SIN3B: variants seen among roughly 807,000 people sequenced by gnomAD.
SIN3B encodes the protein paired amphipathic helix protein Sin3b.
Under a neutral mutation model 120.2 loss-of-function variants are expected in SIN3B, and 19 were observed. That is an observed-to-expected ratio of 0.16 (90% CI 0.11 to 0.23). SIN3B has a LOEUF of 0.23. Among genes scored for constraint, SIN3B ranks in the 10% least tolerant of loss-of-function variants. The pLI, the probability that SIN3B is intolerant of heterozygous loss-of-function variation, is 1.00. For missense variants in SIN3B, 1,073 were observed against 1,573.0 expected (o/e 0.68, Z 5.38); for synonymous variants, 654 against 653.2 (o/e 1.00, Z -0.02).
intron 5 of SIN3B, among the ~76,000 whole-genome samples, chr19:16,850,222 T>C (rs1415250200): frequency 3.9e-5 from 6 of 152,112 alleles, no homozygotes; most frequent in African/African-American, 1.4e-4. Context: ...GTAAAAATAG[T>C]ATACACTAAT....
At chr19:16,853,234 C>T in intron 7 of SIN3B, 76 bp downstream of exon 7, 5 of 1,396,870 alleles carry the variant, frequency 3.6e-6, no homozygotes, top group Non-Finnish European at 5.1e-6. Flanking sequence ...GGGCCTGCCC[C>T]AGGATTGGGG....
At chr19:16,831,251 C>T (rs547545261) in intron 2 of SIN3B, among the ~76,000 whole-genome samples, 3 of 152,026 alleles carry the variant, frequency 2.0e-5, no homozygotes, top group Admixed American at 1.3e-4. Flanking sequence ...TTAGTACAGA[C>T]AGGGTTTCAC....
In SIN3B at chr19:16,872,245, C is replaced by T. The variant is rs568896606; in HGVS notation, c.2592+847C>T. Among the ~76,000 whole-genome samples, 4 of 152,030 alleles carry T rather than the reference C, an allele frequency of 2.6e-5. No homozygotes were observed. The East Asian group carries it at 5.8e-4, about 22-fold the overall frequency. ...TTACTCTCCCACCCAGACACAGCCA[C>T]GAGAAGCATTTCAGACAGGACGTTT... On this transcript the variant is annotated intron_variant, in intron 14 of 18. Coordinates refer to ENST00000248054, the MANE Select transcript of SIN3B (RefSeq NM_001297595.2).
Position 16,878,861 on chromosome 19 carries a change from A to C in SIN3B, c.*134A>C. 1.2e-6 allele frequency: 1 copy of C among 824,444 alleles called. No homozygotes were observed. The highest frequency in any genetic ancestry group is 1.8e-5 in the South Asian group (1 of 56,006). The allele number at this position is 824,444 out of a possible 1,614,324, so 51.1% of individuals were successfully genotyped here. A position where few individuals can be genotyped will look rare whatever the true frequency, so the allele number is the denominator to read the frequency against. On this transcript the variant is annotated 3_prime_UTR_variant, in exon 19 of 19. Transcript: ENST00000248054. Reference sequence around the variant, plus strand: ...CCTCTGCTGCCGGACAGCGCACTCCAGGGCAGGACGCCGCCCCCGTGGCTC... The same window carrying C: ...CCTCTGCTGCCGGACAGCGCACTCCCGGGCAGGACGCCGCCCCCGTGGCTC...
chr19:16,864,877 C>A (rs1159056169), intron 10 of SIN3B, among the ~76,000 whole-genome samples: 1 of 151,350 alleles, frequency 6.6e-6, no homozygotes, highest in African/African-American at 2.4e-5. Flanking sequence ...CTCTGTCGCC[C>A]AGGCTGGAGT....
chr19:16,833,319 T>C (rs1971302950), intron 3 of SIN3B, among the ~76,000 whole-genome samples: 1 of 152,136 alleles, frequency 6.6e-6, no homozygotes, highest in African/African-American at 2.4e-5. Context: ...ATTAATTCCA[T>C]GTGCAAGGTG....
At chr19:16,871,649 G>C (rs879608977) in intron 14 of SIN3B, 6 of 448,532 alleles carry the variant, frequency 1.3e-5, no homozygotes, top group Non-Finnish European at 2.4e-5. Flanking sequence ...TTTCCAAAAG[G>C]AGACCCCATC....
intron 14 of SIN3B, among the ~76,000 whole-genome samples, chr19:16,874,101 C>T (rs1373990622): frequency 6.6e-6 from 1 of 152,234 alleles, no homozygotes; most frequent in African/African-American, 2.4e-5. Flanking sequence ...GTTTCCATTC[C>T]TTCCTTCTTC....
At chr19:16,837,886 A>G (rs927244499) in intron 3 of SIN3B, among the ~76,000 whole-genome samples, 8 of 152,014 alleles carry the variant, frequency 5.3e-5, no homozygotes, top group Admixed American at 1.3e-4. Context: ...GGGGGCTGCT[A>G]TGTGTCTGTG....
chr19:16,851,508 C>T lies in SIN3B; in HGVS notation c.823C>T (p.Leu275Phe), dbSNP rs1347385300. 1 of 1,606,346 alleles carries T rather than the reference C, an allele frequency of 6.2e-7. No individual in the cohort carries two copies. The highest frequency in any genetic ancestry group is 8.5e-7 in the Non-Finnish European group (1 of 1,176,642). ...CAGGAAGCGCTCCCGGCCCTCGCTC[C>T]TCCGCCCCGTGTCTGCACCCGCCAA... is the stretch of plus-strand genomic sequence containing the variant. Reference protein sequence around the residue: ...HSRKRSRPSLLRPVSAPAKKK... With the variant: ...HSRKRSRPSLFRPVSAPAKKK... Residue 275 changes from leucine (L) to phenylalanine (F), a missense_variant, in exon 6 of 19, where the codon CTC becomes TTC. Physicochemically the swap from Leu to Phe is conservative, Grantham distance 22 (BLOSUM62 0). Transcript: ENST00000248054.
rs1310928462 is a variant in SIN3B at position 16,862,633 on chromosome 19, C to T, written c.1266+74C>T. Reference sequence around the variant, plus strand: ...CCCCTCCCCAGCAAACACCCGATACCCCCGTTATGAATGAAATGCTGTGTG... The same window carrying T: ...CCCCTCCCCAGCAAACACCCGATACTCCCGTTATGAATGAAATGCTGTGTG... On this transcript the variant is annotated intron_variant, in intron 9 of 18. Coordinates refer to ENST00000248054, the MANE Select transcript of SIN3B (RefSeq NM_001297595.2). The surrounding 1 kb of genome is among the most constrained non-coding windows in gnomAD (Gnocchi z 4.7). The T allele has an allele frequency of 2.2e-6, 3 of 1,359,676 alleles. No homozygotes were observed. The highest frequency in any genetic ancestry group is 3.1e-6 in the Non-Finnish European group (3 of 967,572). 84.2% of individuals were successfully genotyped at this position (1,359,676 alleles called of 1,614,324 possible). A position where few individuals can be genotyped will look rare whatever the true frequency, so the allele number is the denominator to read the frequency against.
intron 3 of SIN3B, among the ~76,000 whole-genome samples, chr19:16,834,926 T>C (rs1373792404): frequency 6.6e-5 from 10 of 151,042 alleles, no homozygotes; most frequent in Non-Finnish European, 1.3e-4. Flanking sequence ...TTCTTTCTTT[T>C]TTTTTTTTTT....
intron 12 of SIN3B, among the ~76,000 whole-genome samples, chr19:16,867,400 G>T (rs1379124068): frequency 6.6e-6 from 1 of 152,242 alleles, no homozygotes; most frequent in Non-Finnish European, 1.5e-5. Context: ...AGGCCAGCGG[G>T]GCCCTCAGGT....
At chr19:16,845,408 G>A (rs1971466582) in intron 4 of SIN3B, among the ~76,000 whole-genome samples, 1 of 152,174 alleles carries the variant, frequency 6.6e-6, no homozygotes, top group Admixed American at 6.5e-5. Context: ...GAGTAGCTGG[G>A]ACTACAGGCA....
rs79625040 is a variant in SIN3B at position 16,878,720 on chromosome 19, C to T, written c.3386C>T (p.Ser1129Leu). ...YRVQYSRRPA[S>L]P ...GTGCAGTACAGCCGCCGCCCGGCCT[C>T]GCCCTGACCCGCCCTCATGGGCACC... The change falls in exon 19 of 19, where the codon TCG becomes TTG. Residue 1129 changes from serine to leucine, a missense_variant. Coordinates refer to ENST00000248054, the MANE Select transcript of SIN3B (RefSeq NM_001297595.2). 694 of 1,595,018 alleles carry T rather than the reference C, an allele frequency of 4.4e-4. 2 individuals are homozygous for T. In the African/African-American group the frequency reaches 7.8e-3, roughly 18 times the overall value.
chr19:16,875,992 T>C (rs2051599568), intron 14 of SIN3B, 63 bp from the exon 15 acceptor site: 1 of 1,496,624 alleles, frequency 6.7e-7, no homozygotes, highest in South Asian at 1.3e-5. Context: ...ACTTCCTCTG[T>C]GGGTGAGGTG....
At chr19:16,865,333 C>G in intron 10 of SIN3B, 77 bp from the exon 11 acceptor site, 3 of 560,660 alleles carry the variant, frequency 5.4e-6, no homozygotes, top group African/African-American at 2.1e-5. Context: ...ATCCTCTGGT[C>G]TCTGAGGTCC....
intron 8 of SIN3B, among the ~76,000 whole-genome samples, chr19:16,859,025 C>T (rs534450936): frequency 1.8e-4 from 28 of 152,242 alleles, no homozygotes; most frequent in African/African-American, 5.3e-4. Flanking sequence ...GAAGTGGTGG[C>T]GTGTACCTGT....
intron 5 of SIN3B, 52 bp from the exon 6 acceptor site, chr19:16,851,360 C>T: frequency 2.0e-6 from 3 of 1,511,822 alleles, no homozygotes; most frequent in Admixed American, 4.1e-5. Context: ...TGCTCAGGTG[C>T]ATGGGTCCAG....
Sources: allele counts gnomAD v4.1 joint callset (sites outside exome capture counted in the v4.1 genomes callset), GRCh38; gene constraint gnomAD v4.1.1; non-coding constraint Gnocchi (gnomAD v3.1); transcripts MANE v1.5; gene names NCBI Gene and HGNC (gene_info 2026-07-23, HGNC 2026-07-21).